The following PPP2R2C variants were observed in gnomAD, a reference collection of about 807,000 sequenced individuals.
PPP2R2C encodes the protein protein phosphatase 2, regulatory subunit B, gamma.
A neutral mutation model predicts 45.3 loss-of-function variants in PPP2R2C; 10 were observed. That is an observed-to-expected ratio of 0.22 (90% CI 0.14 to 0.37). PPP2R2C has a LOEUF of 0.37. Among genes scored for constraint, PPP2R2C ranks in the 10% least tolerant of loss-of-function variants. The pLI is 1.00. For missense variants in PPP2R2C, 308 were observed against 619.7 expected, an observed-to-expected ratio of 0.50 and a Z score of 5.34; for synonymous variants, 257 against 245.4, an observed-to-expected ratio of 1.05 and a Z score of -0.44.
chr4:6,437,245 G>A (rs1224130014), intron 1 of PPP2R2C, among the ~76,000 whole-genome samples: 3 of 152,302 alleles, frequency 2.0e-5, no homozygotes, highest in Middle Eastern at 3.4e-3. Context: ...CCGAAGCAAA[G>A]GACAAGGATC....
At chr4:6,455,812 CCTGCCATGAATGTCGCCCCCTCCCCCTG>C (rs1720993131) in intron 1 of PPP2R2C, among the ~76,000 whole-genome samples, 1 of 152,182 alleles carries the variant, frequency 6.6e-6, no homozygotes, top group Admixed American at 6.5e-5. Context: ...TAATGTCCCT[CCTGCCATGAATGTCGCCCCCTCCCCCTG>C]CTGCCTACTG....
chr4:6,504,456 GA>G lies in PPP2R2C; in HGVS notation c.49+30814del, dbSNP rs770647284. On this transcript the variant is annotated intron_variant, in intron 2 of 9. Transcript: ENST00000506140. ...ATGTAAGAATAAATAAAACCCAAAA[GA>G]AAAAAAAAATCAACTGAGATGGACC... Among the ~76,000 whole-genome samples, 818 of 147,494 alleles carry G rather than the reference GA, an allele frequency of 5.5e-3. 2 individuals are homozygous for G. Among genetic ancestry groups the G allele is most frequent in the African/African-American group, 0.013 (522 of 40,260 alleles).
At position 6,375,842 on chromosome 4, in the gene PPP2R2C, G is replaced by C. The variant is rs139419142; in HGVS notation, c.424C>G (p.Leu142Val). Residue 142 changes from leucine to valine, a missense_variant, in exon 4 of 9, where the codon CTG becomes GTG. Leu to Val is a conservative substitution (Grantham distance 32). Transcript: ENST00000382599. ...ACCTGCAGTGACGTCACCGTGGACA[G>C]GTCCTTAAGTTTCCCCTCTTCATCC... is the stretch of plus-strand genomic sequence containing the variant. ...LKDEEGKLKD[L>V]STVTSLQVPV... The C allele has an allele frequency of 3.1e-6, 5 of 1,613,998 alleles. No homozygotes were observed. The highest frequency in any genetic ancestry group is 1.1e-5 in the South Asian group (1 of 91,068).
intron 1 of PPP2R2C, among the ~76,000 whole-genome samples, chr4:6,412,276 T>C (rs548383717): frequency 1.3e-5 from 2 of 152,110 alleles, no homozygotes; most frequent in Admixed American, 6.5e-5. Context: ...TGGAACAGAG[T>C]ATTGACTTCT....
At chr4:6,422,584 A>T (rs11932296) in intron 1 of PPP2R2C, among the ~76,000 whole-genome samples, 46,203 of 152,066 alleles carry the variant, frequency 0.3, 7,674 homozygotes, top group Admixed American at 0.43. Context: ...TGTCAGCAGG[A>T]TGGTTTCTTC....
intron 1 of PPP2R2C, among the ~76,000 whole-genome samples, chr4:6,550,205 C>T (rs1468887317): frequency 6.6e-6 from 1 of 152,064 alleles, no homozygotes; most frequent in Non-Finnish European, 1.5e-5. Context: ...GGATGACAAC[C>T]CACCTTCTCC....
At chr4:6,507,784 C>T (rs915598130) in intron 2 of PPP2R2C, among the ~76,000 whole-genome samples, 2 of 152,236 alleles carry the variant, frequency 1.3e-5, no homozygotes, top group African/African-American at 2.4e-5. Context: ...ATTGCCCACT[C>T]CTCATGTCTT....
chr4:6,534,159 C>T (rs1473245740), intron 2 of PPP2R2C, among the ~76,000 whole-genome samples: 1 of 150,020 alleles, frequency 6.7e-6, no homozygotes. Context: ...CATACACACA[C>T]CAACACACAC....
intron 1 of PPP2R2C, among the ~76,000 whole-genome samples, chr4:6,399,435 T>C (rs1185002964): frequency 6.6e-6 from 1 of 152,226 alleles, no homozygotes; most frequent in Non-Finnish European, 1.5e-5. Flanking sequence ...GGTGCATTTT[T>C]CATCAACTAA....
chr4:6,443,273 T>C (rs189699390), intron 1 of PPP2R2C, among the ~76,000 whole-genome samples: 67 of 152,344 alleles, frequency 4.4e-4, no homozygotes, highest in African/African-American at 1.5e-3. Context: ...CTTAATAGGA[T>C]TAGTGTCATC....
Position 6,406,050 on chromosome 4 carries a change from A to C in PPP2R2C, c.71-24956T>G, listed in dbSNP as rs35473798. ...ACCAATGAGAATTACAATTACCACA[A>C]TTAAACTGAGCATTTATTAAGTGCT... is the stretch of plus-strand genomic sequence containing the variant. On this transcript the variant is annotated intron_variant, in intron 1 of 8. Transcript: ENST00000382599. 8.3e-3 allele frequency among the ~76,000 whole-genome samples: 1,258 copies of C among 152,314 alleles called. 8 individuals carry two copies. The highest frequency in any genetic ancestry group is 0.041 in the Middle Eastern group (12 of 294).
rs13145709 is a variant in PPP2R2C at position 6,544,811 on chromosome 4, A to G, written c.-58-9434T>C. ...GGATGCCCCAAAGAAGCAAATTAGC[A>G]CAAACTCCCAGAAGCAAACCAATGC... On this transcript the variant is annotated intron_variant, in intron 1 of 9. Coordinates refer to the PPP2R2C transcript ENST00000506140. Among the ~76,000 whole-genome samples, 623 of 152,374 alleles carry G rather than the reference A, an allele frequency of 4.1e-3. 4 individuals carry two copies. Among genetic ancestry groups the G allele is most frequent in the African/African-American group, 0.01 (429 of 41,590 alleles).
At chr4:6,355,445 C>T (rs1211131717) in intron 5 of PPP2R2C, among the ~76,000 whole-genome samples, 1 of 151,630 alleles carries the variant, frequency 6.6e-6, no homozygotes. Flanking sequence ...GTGCAGCACA[C>T]CAGCATGGCA....
At chr4:6,499,648 T>C (rs1458821818) in intron 2 of PPP2R2C, among the ~76,000 whole-genome samples, 2 of 152,010 alleles carry the variant, frequency 1.3e-5, no homozygotes, top group Non-Finnish European at 2.9e-5. Context: ...GAGGAGATGA[T>C]TTTTTTTGTC....
chr4:6,428,562 C>A (rs766525161), intron 1 of PPP2R2C, among the ~76,000 whole-genome samples: 32 of 152,258 alleles, frequency 2.1e-4, no homozygotes, highest in Admixed American at 5.2e-4. Context: ...AGGGCCTCCT[C>A]CATTTTTCTG....
chr4:6,548,649 C>T (rs777792927), intron 1 of PPP2R2C, among the ~76,000 whole-genome samples: 18 of 152,176 alleles, frequency 1.2e-4, no homozygotes, highest in Admixed American at 2.6e-4. Context: ...CTCAGCCAAC[C>T]GACAGCAAGC....
At chr4:6,379,423 T>A (rs767593732) in intron 2 of PPP2R2C, among the ~76,000 whole-genome samples, 2 of 152,210 alleles carry the variant, frequency 1.3e-5, no homozygotes, top group African/African-American at 2.4e-5. Context: ...TTTAAGTATC[T>A]ATATTTCTAT....
chr4:6,432,793 G>A (rs1258173390), intron 1 of PPP2R2C, among the ~76,000 whole-genome samples: 1 of 152,140 alleles, frequency 6.6e-6, no homozygotes, highest in South Asian at 2.1e-4. Flanking sequence ...GAGCCTCTTG[G>A]ATTTTAGAAT....
In PPP2R2C at chr4:6,323,461, C is replaced by G. The variant is rs1007159141; in HGVS notation, c.1185G>C (p.Val395=). Residue 395 remains valine, a synonymous_variant, in exon 9 of 9, where the codon GTG becomes GTC. Coordinates refer to ENST00000382599, the MANE Select transcript of PPP2R2C (RefSeq NM_020416.4). ...TGTCATCACGCCGGCGCTTGCCCCCCACGCACACGCGCCGTGGCTTGAGCA... is the reference window on the plus strand; with the variant it reads ...TGTCATCACGCCGGCGCTTGCCCCCGACGCACACGCGCCGTGGCTTGAGCA... ...RAVLKPRRVC[V]GGKRRRDDIS... The G allele has an allele frequency of 6.2e-7, 1 of 1,613,216 alleles. No homozygotes were observed. Among genetic ancestry groups the G allele is most frequent in the Non-Finnish European group, 8.5e-7 (1 of 1,179,256 alleles).
Sources: gnomAD v4.1 joint callset for allele counts (sites outside exome capture counted in the v4.1 genomes callset) on GRCh38, gnomAD v4.1.1 for gene constraint, MANE v1.5 for transcripts, NCBI Gene and HGNC (gene_info 2026-07-23, HGNC 2026-07-21) for gene names.